The following CCNY variants were observed in gnomAD, a reference collection of about 807,000 sequenced individuals.
CCNY encodes cyclin-Y.
A neutral mutation model predicts 42.8 loss-of-function variants in CCNY; 19 were observed. That is an observed-to-expected ratio of 0.44 (90% CI 0.31 to 0.65). CCNY has a LOEUF of 0.65. Among genes scored for constraint, CCNY ranks in the 30% least tolerant of loss-of-function variants. CCNY has a pLI of 0.07. For synonymous variants in CCNY, 165 were observed against 162.7 expected, an observed-to-expected ratio of 1.01 and a Z score of -0.11; for missense variants, 370 against 437.3, an observed-to-expected ratio of 0.85 and a Z score of 1.37.
At chr10:35,529,708 CA>C (rs34311829) in intron 5 of CCNY, among the ~76,000 whole-genome samples, 77 of 144,892 alleles carry the variant, frequency 5.3e-4, no homozygotes, top group Non-Finnish European at 5.3e-4. Context: ...ACTAAAAATA[CA>C]AAAAAAAAAA....
Position 35,414,962 on chromosome 10 carries a change from T to A in CCNY, c.155-68442T>A, listed in dbSNP as rs114968249. 7.0e-3 allele frequency among the ~76,000 whole-genome samples: 1,070 copies of A among 152,220 alleles called. 11 individuals carry two copies. The highest frequency in any genetic ancestry group is 0.025 in the African/African-American group (1,021 of 41,522). ...GCTCTGAAGGATGCAAAAACTTAGT[T>A]CCATAAAGAAGAGACAAGGACCCAG... On this transcript the variant is annotated intron_variant, in intron 1 of 9. Transcript: ENST00000374704.
chr10:35,431,455 TCTCA>T (rs1838408065), intron 1 of CCNY, among the ~76,000 whole-genome samples: 1 of 113,588 alleles, frequency 8.8e-6, no homozygotes, highest in African/African-American at 3.3e-5. Flanking sequence ...TCTCTCTCTC[TCTCA>T]CACTCACTCA....
intron 7 of CCNY, among the ~76,000 whole-genome samples, chr10:35,532,699 G>A (rs535018223): frequency 6.6e-6 from 1 of 152,336 alleles, no homozygotes; most frequent in Admixed American, 6.5e-5. Context: ...GAGGAAGCCA[G>A]GCCTGCAGTG....
chr10:35,350,131 A>G (rs1257222655), intron 1 of CCNY, among the ~76,000 whole-genome samples: 3 of 152,160 alleles, frequency 2.0e-5, no homozygotes, highest in Non-Finnish European at 4.4e-5. Flanking sequence ...TCCTAATGGT[A>G]CTGTTGACAG....
rs1312928205 is a variant in CCNY, at chr10:35,534,991, CTA to C, written c.579+4756_579+4757del. On this transcript the variant is annotated intron_variant, in intron 7 of 9. Transcript: ENST00000374704. ...CACACACACATATATATATATAGAT[CTA>C]TATATATGTGTGTGTGTGTGTGTGT... Among the ~76,000 whole-genome samples, 9 of 77,002 alleles carry C rather than the reference CTA, an allele frequency of 1.2e-4. No homozygotes were observed. In the East Asian group the frequency reaches 2.0e-3, roughly 17 times the overall value. The allele number at this position is 77,002 out of a possible 152,430, so 50.5% of individuals were successfully genotyped here.
chr10:35,505,127 G>A (rs1175753510), intron 3 of CCNY, among the ~76,000 whole-genome samples: 2 of 150,830 alleles, frequency 1.3e-5, no homozygotes, highest in Admixed American at 6.6e-5. Flanking sequence ...CATTGTAGGT[G>A]GTTGGAGTTA....
intron 3 of CCNY, among the ~76,000 whole-genome samples, chr10:35,318,406 T>C (rs1835784947): frequency 6.6e-6 from 1 of 152,086 alleles, no homozygotes; most frequent in Non-Finnish European, 1.5e-5. Context: ...GTCCCCTATC[T>C]AGTCATGAAG....
intron 4 of CCNY, 40 bp downstream of exon 4, chr10:35,516,663 T>TC (rs200181533): frequency 5.0e-5 from 10 of 198,486 alleles, no homozygotes; most frequent in South Asian, 3.6e-4. Context: ...CTTCCTTCCT[T>TC]TTTTTTTTTT....
intron 1 of CCNY, among the ~76,000 whole-genome samples, chr10:35,411,382 G>A (rs139604067): frequency 8.5e-4 from 129 of 152,012 alleles, no homozygotes; most frequent in African/African-American, 2.8e-3. Flanking sequence ...GCATAGTGGC[G>A]CGTGCCTGTG....
At chr10:35,361,438 G>C (rs1836684266) in intron 1 of CCNY, among the ~76,000 whole-genome samples, 2 of 152,282 alleles carry the variant, frequency 1.3e-5, no homozygotes, top group Middle Eastern at 3.4e-3. Context: ...TGAGTGCTTA[G>C]ATTTAGATTT....
intron 1 of CCNY, among the ~76,000 whole-genome samples, chr10:35,458,874 C>G (rs1589134387): frequency 6.6e-6 from 1 of 152,182 alleles, no homozygotes; most frequent in Non-Finnish European, 1.5e-5. Context: ...GCATTCACTT[C>G]TAAAGAACGA....
intron 1 of CCNY, among the ~76,000 whole-genome samples, chr10:35,337,870 A>C: frequency 6.6e-6 from 1 of 152,112 alleles, no homozygotes; most frequent in African/African-American, 2.4e-5. Flanking sequence ...TTGCAGTCCT[A>C]TGAATTTCTG....
chr10:35,551,566 A>G (rs1841258892), intron 7 of CCNY, among the ~76,000 whole-genome samples: 1 of 150,042 alleles, frequency 6.7e-6, no homozygotes, highest in South Asian at 2.1e-4. Context: ...TTGCAAATGC[A>G]TTTGATAAAA....
chr10:35,452,453 C>A lies in CCNY; in HGVS notation c.155-30951C>A, dbSNP rs536457246. Among the ~76,000 whole-genome samples the A allele has an allele frequency of 7.0e-4, 107 of 152,296 alleles. 1 individual carries two copies. Among genetic ancestry groups the A allele is most frequent in the Non-Finnish European group, 2.4e-4 (16 of 68,020 alleles). Reference sequence around the variant, plus strand: ...AATACTGGGTTTGGTCTTTCTTAAACCAAGCATAATCCTGCTTATCTTAGA... The same window carrying A: ...AATACTGGGTTTGGTCTTTCTTAAAACAAGCATAATCCTGCTTATCTTAGA... On this transcript the variant is annotated intron_variant, in intron 1 of 9. Transcript: ENST00000374704.
chr10:35,480,071 A>T (rs151298934), intron 1 of CCNY, among the ~76,000 whole-genome samples: 1 of 152,036 alleles, frequency 6.6e-6, no homozygotes, highest in Non-Finnish European at 1.5e-5. Context: ...TTTCTTCAAG[A>T]TCTGGCCTGT....
chr10:35,430,331 C>G (rs561113456), intron 1 of CCNY, among the ~76,000 whole-genome samples: 1 of 101,862 alleles, frequency 9.8e-6, no homozygotes, highest in South Asian at 3.9e-4. Flanking sequence ...AGCGAGACTC[C>G]GTCTCAAAAA....
At chr10:35,476,390 G>A (rs560394046) in intron 1 of CCNY, among the ~76,000 whole-genome samples, 2 of 152,136 alleles carry the variant, frequency 1.3e-5, no homozygotes, top group East Asian at 3.9e-4. Flanking sequence ...TGGAAGTAAA[G>A]CTCTCCTCAG....
At chr10:35,293,449 C>T (rs1162716078) in intron 3 of CCNY, among the ~76,000 whole-genome samples, 2 of 152,040 alleles carry the variant, frequency 1.3e-5, no homozygotes, top group South Asian at 2.1e-4. Context: ...AATTCTAGAT[C>T]CCTTGAATTT....
intron 2 of CCNY, among the ~76,000 whole-genome samples, chr10:35,493,675 C>G (rs1233164511): frequency 2.6e-5 from 4 of 152,190 alleles, no homozygotes; most frequent in Non-Finnish European, 5.9e-5. Context: ...CAACACTCTC[C>G]ACATAATCTT....
Sources: allele counts gnomAD v4.1 joint callset (sites outside exome capture counted in the v4.1 genomes callset), GRCh38; gene constraint gnomAD v4.1.1; transcripts MANE v1.5; gene names NCBI Gene and HGNC (gene_info 2026-07-23, HGNC 2026-07-21).